CFI: variants seen among roughly 807,000 people sequenced by gnomAD.
CFI encodes the protein complement factor I, also known as C3B/C4B inactivator.
Under a neutral mutation model 78.8 loss-of-function variants are expected in CFI, and 66 were observed. That is an observed-to-expected ratio of 0.84 (90% CI 0.69 to 1.03). The LOEUF (loss-of-function observed/expected upper bound fraction) is 1.03, where lower values mean the gene tolerates loss of function less well. CFI is among the 50% of genes least tolerant of loss of function. The probability of loss-of-function intolerance (pLI) is 0.00; values close to 1 mark genes in which losing one functional copy is unlikely to be tolerated. For missense variants in CFI, 706 were observed against 704.5 expected (o/e 1.00, Z -0.02); for synonymous variants, 250 against 232.6 (o/e 1.07, Z -0.68).
chr4:109,732,153 C>G, the CFI span, among the ~76,000 whole-genome samples: 1 of 152,184 alleles, frequency 6.6e-6, no homozygotes, highest in Non-Finnish European at 1.5e-5. Context: ...TATTTATTTA[C>G]TTCTTTGTGA....
chr4:109,779,582 C>T (rs1215229897), intron 1 of CFI, among the ~76,000 whole-genome samples: 1 of 152,112 alleles, frequency 6.6e-6, no homozygotes. Context: ...AGATTCAATG[C>T]CATCCCCATC....
chr4:109,764,039 C>T (rs1727412011), intron 3 of CFI, among the ~76,000 whole-genome samples: 1 of 148,366 alleles, frequency 6.7e-6, no homozygotes, highest in Middle Eastern at 3.6e-3. Context: ...ACACTATACT[C>T]ATAGTATATA....
chr4:109,782,204 G>A (rs970038058), intron 1 of CFI, among the ~76,000 whole-genome samples: 2 of 151,904 alleles, frequency 1.3e-5, no homozygotes, highest in Non-Finnish European at 2.9e-5. Flanking sequence ...CTCTTTATGG[G>A]CATCCAAACC....
At chr4:109,789,796 T>C (rs1731159407) in intron 1 of CFI, among the ~76,000 whole-genome samples, 1 of 152,120 alleles carries the variant, frequency 6.6e-6, no homozygotes, top group Non-Finnish European at 1.5e-5. Context: ...GTGGTATCTT[T>C]GATTTTGCTA....
Position 109,740,936 on chromosome 4 carries a change from C to G in CFI, c.1709G>C (p.Ser570Thr), listed in dbSNP as rs200973120. The change falls in exon 13 of 13, where the codon AGC becomes ACC. Residue 570 changes from serine (S) to threonine (T), a missense_variant. Ser to Thr is a moderately conservative substitution (Grantham distance 58). Transcript: ENST00000394634. ...AATAAAAGGCCTTCCTACATGGTAG[C>G]TAATCCAGTCAAAATAATTGGCCAC... The part of the protein sequence containing the change: ...TKVANYFDWI[S>T]YHVGRPFISQ... 1.6e-4 allele frequency: 251 copies of G among 1,614,026 alleles called. No individual in the cohort carries two copies. Among genetic ancestry groups the G allele is most frequent in the Non-Finnish European group, 2.1e-4 (247 of 1,180,010 alleles).
intron 6 of CFI, among the ~76,000 whole-genome samples, chr4:109,759,642 C>T (rs112006501): frequency 0.016 from 2,454 of 152,202 alleles, 62 homozygotes; most frequent in African/African-American, 0.057. Flanking sequence ...GTGGCTTATG[C>T]CTGTAACCCC....
intron 8 of CFI, among the ~76,000 whole-genome samples, chr4:109,751,881 G>T (rs1342580435): frequency 6.6e-6 from 1 of 152,122 alleles, no homozygotes; most frequent in African/African-American, 2.4e-5. Context: ...TGTATTTGAG[G>T]TTGAGTTACT....
At chr4:109,764,737 T>A (rs1176581655) in intron 2 of CFI, 47 bp from the exon 3 acceptor site, 1 of 1,554,088 alleles carries the variant, frequency 6.4e-7, no homozygotes, top group East Asian at 2.3e-5. Flanking sequence ...CCATTCACTT[T>A]TTTCTCTTAA....
intron 1 of CFI, among the ~76,000 whole-genome samples, chr4:109,801,590 C>T (rs72890361): frequency 0.031 from 4,723 of 152,236 alleles, 213 homozygotes; most frequent in African/African-American, 0.097. Context: ...TCACTGTCTT[C>T]GTAGCACTGT....
Position 109,742,250 on chromosome 4 carries a change from G to A in CFI, c.1534+241C>T, listed in dbSNP as rs181789412. ...AAATCTAGGTCTGGTTCCAGAGGCC[G>A]TGCTCTTAGTCACCTTGCTGTGCTG... On this transcript the variant is annotated intron_variant, in intron 12 of 12. Transcript: ENST00000394634. 104 of 483,202 alleles carry A rather than the reference G, an allele frequency of 2.2e-4. 1 individual carries two copies. Among genetic ancestry groups the A allele is most frequent in the African/African-American group, 1.3e-3 (66 of 51,674 alleles). 29.9% of individuals were successfully genotyped at this position (483,202 alleles called of 1,614,324 possible). A position where few individuals can be genotyped will look rare whatever the true frequency, so the allele number is the denominator to read the frequency against.
chr4:109,770,389 A>G (rs774799301), intron 1 of CFI, among the ~76,000 whole-genome samples: 21 of 151,816 alleles, frequency 1.4e-4, no homozygotes, highest in Non-Finnish European at 2.6e-4. Context: ...GCAAAACCCC[A>G]TCTCTACTAA....
At chr4:109,757,055 C>T (rs543420035) in intron 7 of CFI, among the ~76,000 whole-genome samples, 3 of 152,058 alleles carry the variant, frequency 2.0e-5, no homozygotes, top group African/African-American at 7.2e-5. Context: ...ATTTACATGA[C>T]TCCAGCTCTG....
chr4:109,733,612 A>G, the CFI span, among the ~76,000 whole-genome samples: 1 of 152,178 alleles, frequency 6.6e-6, no homozygotes, highest in African/African-American at 2.4e-5. Flanking sequence ...ACTTGATGGT[A>G]GAGCAGAAGG....
At chr4:109,757,001 T>A in intron 7 of CFI, among the ~76,000 whole-genome samples, 2 of 150,804 alleles carry the variant, frequency 1.3e-5, no homozygotes, top group Non-Finnish European at 3.0e-5. Flanking sequence ...GATCATGAAC[T>A]TTGACGTTAT....
At position 109,741,673 on chromosome 4, in the gene CFI, C is replaced by T. The variant is rs142489600; in HGVS notation, c.1535-563G>A. ...TTTTGGGAGATTTTGTGCTATTCACCTATTTTGTCCACTGTAATCCTGAAC... is the reference window on the plus strand; with the variant it reads ...TTTTGGGAGATTTTGTGCTATTCACTTATTTTGTCCACTGTAATCCTGAAC... On this transcript the variant is annotated intron_variant, in intron 12 of 12. Coordinates refer to ENST00000394634, the MANE Select transcript of CFI (RefSeq NM_000204.5). Among the ~76,000 whole-genome samples the T allele has an allele frequency of 1.2e-3, 181 of 152,282 alleles. 2 individuals are homozygous for T. The highest frequency in any genetic ancestry group is 4.2e-3 in the African/African-American group (173 of 41,566).
At chr4:109,742,885 A>T (rs941349493) in intron 11 of CFI, among the ~76,000 whole-genome samples, 4 of 152,234 alleles carry the variant, frequency 2.6e-5, no homozygotes, top group African/African-American at 9.6e-5. Flanking sequence ...TGCAGAACTC[A>T]GTCAGGCAAT....
intron 7 of CFI, among the ~76,000 whole-genome samples, chr4:109,756,928 A>AGAAG (rs1726310676): frequency 6.8e-6 from 1 of 147,978 alleles, no homozygotes; most frequent in Non-Finnish European, 1.5e-5. Context: ...AAAGAAAGAA[A>AGAAG]GAAAGAAAGA....
intron 1 of CFI, among the ~76,000 whole-genome samples, chr4:109,767,503 T>C (rs1727929161): frequency 6.6e-6 from 1 of 151,794 alleles, no homozygotes; most frequent in Non-Finnish European, 1.5e-5. Flanking sequence ...AAAGAAGACA[T>C]TTATGCAGCC....
intron 1 of CFI, 147 bp downstream of exon 1, chr4:109,801,768 A>G (rs1311244606): frequency 1.7e-6 from 1 of 576,072 alleles, no homozygotes; most frequent in Non-Finnish European, 3.1e-6. Flanking sequence ...TTAACATAAA[A>G]CATTTGTTGC....
Sources: allele counts gnomAD v4.1 joint callset (sites outside exome capture counted in the v4.1 genomes callset), GRCh38; gene constraint gnomAD v4.1.1; transcripts MANE v1.5; gene names NCBI Gene and HGNC (gene_info 2026-07-23, HGNC 2026-07-21).